WDR70: variants seen among roughly 807,000 people sequenced by gnomAD.
WDR70 encodes WD repeat-containing protein 70.
WDR70 carries 53 observed loss-of-function variants against 88.6 expected under a neutral mutation model. The observed-to-expected ratio is 0.60, with a 90% CI of 0.48 to 0.75. WDR70 has a LOEUF of 0.75. WDR70 is among the 30% of genes least tolerant of loss of function. The pLI is 0.00. For synonymous variants in WDR70, 280 were observed against 270.0 expected, an observed-to-expected ratio of 1.04 and a Z score of -0.36; for missense variants, 610 against 823.2, an observed-to-expected ratio of 0.74 and a Z score of 3.17.
chr5:37,412,053 A>ATT (rs1749542817), intron 5 of WDR70, among the ~76,000 whole-genome samples: 1 of 152,146 alleles, frequency 6.6e-6, no homozygotes, highest in Non-Finnish European at 1.5e-5. Context: ...ACTAAGTAAA[A>ATT]AAAAAATTCA....
intron 9 of WDR70, among the ~76,000 whole-genome samples, chr5:37,575,652 A>T (rs1178849712): frequency 6.6e-6 from 1 of 152,202 alleles, no homozygotes; most frequent in Admixed American, 6.5e-5. Context: ...GCACTCAGGA[A>T]CTTCCAGACC....
intron 15 of WDR70, 110 bp from the exon 16 acceptor site, chr5:37,724,824 G>T: frequency 9.6e-7 from 1 of 1,046,344 alleles, no homozygotes; most frequent in Non-Finnish European, 1.4e-6. Context: ...ATCAGATCAA[G>T]ACTGTCATTA....
chr5:37,620,011 G>T (rs939981438), intron 10 of WDR70: 19 of 141,702 alleles, frequency 1.3e-4, no homozygotes, highest in African/African-American at 4.9e-4. Context: ...TCACAAATTT[G>T]CATGTCATTC....
chr5:37,500,373 A>G (rs1740370935), intron 8 of WDR70, among the ~76,000 whole-genome samples: 1 of 152,210 alleles, frequency 6.6e-6, no homozygotes, highest in African/African-American at 2.4e-5. Flanking sequence ...TACCTTTGCA[A>G]TTGTGAACTG....
chr5:37,698,789 G>A (rs111411116), intron 11 of WDR70, among the ~76,000 whole-genome samples: 1 of 152,080 alleles, frequency 6.6e-6, no homozygotes, highest in Non-Finnish European at 1.5e-5. Flanking sequence ...TTACCCTGGG[G>A]AACTCATTCA....
chr5:37,437,854 A>C (rs1750518938), intron 5 of WDR70, 68 bp from the exon 6 acceptor site: 2 of 1,414,272 alleles, frequency 1.4e-6, no homozygotes, highest in Non-Finnish European at 1.9e-6. Context: ...TTTCCTGTGA[A>C]ATGTGTTGTG....
chr5:37,534,997 C>T (rs1741619176), intron 9 of WDR70, among the ~76,000 whole-genome samples: 1 of 152,066 alleles, frequency 6.6e-6, no homozygotes, highest in Non-Finnish European at 1.5e-5. Context: ...CTGTTTCACT[C>T]AGCAAATATT....
intron 7 of WDR70, among the ~76,000 whole-genome samples, chr5:37,471,157 C>T (rs182651796): frequency 5.2e-4 from 79 of 152,280 alleles, no homozygotes; most frequent in African/African-American, 1.8e-3. Flanking sequence ...GCTGGGATTA[C>T]AGGTGTGAGC....
At chr5:37,632,318 G>A (rs1744840361) in intron 10 of WDR70, among the ~76,000 whole-genome samples, 1 of 152,002 alleles carries the variant, frequency 6.6e-6, no homozygotes, top group Non-Finnish European at 1.5e-5. Context: ...TATACCTTTA[G>A]TGTATTTTAG....
chr5:37,651,728 AT>A, intron 10 of WDR70, among the ~76,000 whole-genome samples: 1 of 151,990 alleles, frequency 6.6e-6, no homozygotes, highest in East Asian at 1.9e-4. Flanking sequence ...GGTTTTTTTC[AT>A]ATGTTTGTTG....
At chr5:37,588,398 A>G (rs1126290) in intron 9 of WDR70, among the ~76,000 whole-genome samples, 63,117 of 151,892 alleles carry the variant, frequency 0.42, 15,160 homozygotes, top group Non-Finnish European at 0.54. Context: ...TTTTTTGTGA[A>G]CTTCATGATA....
intron 9 of WDR70, among the ~76,000 whole-genome samples, chr5:37,584,881 C>T (rs538180200): frequency 2.2e-3 from 327 of 151,484 alleles, no homozygotes; most frequent in Non-Finnish European, 3.6e-3. Flanking sequence ...CCAAATATCC[C>T]ATATTCCACC....
intron 6 of WDR70, among the ~76,000 whole-genome samples, chr5:37,442,655 A>G (rs542415589): frequency 6.7e-4 from 102 of 152,306 alleles, no homozygotes; most frequent in African/African-American, 2.2e-3. Context: ...CAATATAAGT[A>G]CTATTATAAT....
At chr5:37,406,430 G>A (rs911998475) in intron 5 of WDR70, among the ~76,000 whole-genome samples, 16 of 152,206 alleles carry the variant, frequency 1.1e-4, no homozygotes, top group Non-Finnish European at 1.9e-4. Context: ...ACAGATACAG[G>A]GATGCAATAT....
intron 7 of WDR70, among the ~76,000 whole-genome samples, chr5:37,447,863 C>G (rs1738551107): frequency 6.6e-6 from 1 of 152,136 alleles, no homozygotes; most frequent in South Asian, 2.1e-4. Context: ...GTGCAGCACA[C>G]CAACATGGCA....
intron 9 of WDR70, among the ~76,000 whole-genome samples, chr5:37,604,379 T>A (rs1245627694): frequency 6.6e-6 from 1 of 152,232 alleles, no homozygotes; most frequent in Non-Finnish European, 1.5e-5. Flanking sequence ...GCTTACCTCA[T>A]CTTTGTTTTT....
intron 10 of WDR70, among the ~76,000 whole-genome samples, chr5:37,656,195 G>A (rs1745550432): frequency 6.6e-6 from 1 of 152,200 alleles, no homozygotes; most frequent in East Asian, 1.9e-4. Flanking sequence ...GAATAGTCAG[G>A]CCCCTCTTCT....
intron 7 of WDR70, among the ~76,000 whole-genome samples, chr5:37,459,436 G>A (rs921761352): frequency 1.4e-5 from 2 of 147,816 alleles, no homozygotes; most frequent in African/African-American, 2.5e-5. Flanking sequence ...CAAGCAATGG[G>A]GAAAGGATTC....
chr5:37,637,296 G>A (rs999752177), intron 10 of WDR70, among the ~76,000 whole-genome samples: 5 of 151,332 alleles, frequency 3.3e-5, no homozygotes, highest in Non-Finnish European at 7.4e-5. Flanking sequence ...AGCCAAGATC[G>A]CCTGGGCTAC....
Sources: gnomAD v4.1 joint callset for allele counts (sites outside exome capture counted in the v4.1 genomes callset) on GRCh38, gnomAD v4.1.1 for gene constraint, MANE v1.5 for transcripts, NCBI Gene and HGNC (gene_info 2026-07-23, HGNC 2026-07-21) for gene names.